SMAD2: variants seen among roughly 807,000 people sequenced by gnomAD.
The protein encoded by SMAD2 is MAD homolog 2.
A neutral mutation model predicts 64.4 loss-of-function variants in SMAD2; 8 were observed. That is an observed-to-expected ratio of 0.12 (90% CI 0.07 to 0.22). SMAD2 has a LOEUF of 0.22. Ranked by LOEUF, SMAD2 falls within the 10% of genes least tolerant of loss-of-function variation. The pLI, the probability that SMAD2 is intolerant of heterozygous loss-of-function variation, is 1.00. For missense variants in SMAD2, 289 were observed against 561.2 expected (o/e 0.51, Z 4.90); for synonymous variants, 203 against 195.8 (o/e 1.04, Z -0.31).
At chr18:47,862,533 C>T (rs2031264145) in intron 6 of SMAD2, among the ~76,000 whole-genome samples, 1 of 152,184 alleles carries the variant, frequency 6.6e-6, no homozygotes, top group African/African-American at 2.4e-5. Context: ...ATAGCACATT[C>T]CTCCCTATCT....
intron 2 of SMAD2, among the ~76,000 whole-genome samples, chr18:47,880,581 C>G (rs1045684585): frequency 6.6e-6 from 1 of 152,158 alleles, no homozygotes; most frequent in Non-Finnish European, 1.5e-5. Context: ...TTCCAATTCA[C>G]AAGTGTATCC....
At position 47,827,495 on chromosome 18, in the gene SMAD2, G is replaced by C. The variant is rs573830613; in HGVS notation, c.*14332C>G. ...TCTCCCCCCGTCTCCCACTTTCTACGGTCTCCCACTTTCCACCGTCTCCCT... is the reference window on the plus strand; with the variant it reads ...TCTCCCCCCGTCTCCCACTTTCTACCGTCTCCCACTTTCCACCGTCTCCCT... On this transcript the variant is annotated 3_prime_UTR_variant, in exon 11 of 11. Transcript: ENST00000262160. The C allele has an allele frequency of 1.3e-5, 2 of 152,124 alleles. No homozygotes were observed. The highest frequency in any genetic ancestry group is 2.9e-5 in the Non-Finnish European group (2 of 68,114). 9.4% of individuals were successfully genotyped at this position (152,124 alleles called of 1,614,324 possible). A position where few individuals can be genotyped will look rare whatever the true frequency, so the allele number is the denominator to read the frequency against.
intron 1 of SMAD2, chr18:47,912,393 G>A (rs983509835): frequency 1.3e-5 from 2 of 152,210 alleles, no homozygotes; most frequent in Non-Finnish European, 2.9e-5. Flanking sequence ...TGAGTGGCAT[G>A]TAATGGTACA....
intron 7 of SMAD2, among the ~76,000 whole-genome samples, chr18:47,849,707 T>C (rs982687540): frequency 3.9e-5 from 6 of 152,254 alleles, no homozygotes; most frequent in African/African-American, 1.2e-4. Context: ...ATATTTGTTA[T>C]ACTGTATTTT....
rs1259135468 is a variant in SMAD2 at position 47,823,543 on chromosome 18, A to C, written c.*18284T>G. 1 of 152,170 alleles carries C rather than the reference A, an allele frequency of 6.6e-6. No individual in the cohort carries two copies. Among genetic ancestry groups the C allele is most frequent in the South Asian group, 2.1e-4 (1 of 4,828 alleles). 9.4% of individuals were successfully genotyped at this position (152,170 alleles called of 1,614,324 possible). On this transcript the variant is annotated 3_prime_UTR_variant, in exon 11 of 11. Transcript: ENST00000262160. ...CTACTCCCATGCTCTGAGGCCTATA[A>C]GCTAAGATGTGATTAATTTTTAAAG... is the stretch of plus-strand genomic sequence containing the variant.
In SMAD2 at chr18:47,833,526, G is replaced by A. The variant is rs758947112; in HGVS notation, c.*8301C>T. 8.7e-6 allele frequency: 2 copies of A among 230,148 alleles called. No homozygotes were observed. The highest frequency in any genetic ancestry group is 1.1e-4 in the Admixed American group (2 of 17,658). The allele number at this position is 230,148 out of a possible 1,614,324, so 14.3% of individuals were successfully genotyped here. ...TGCAGCCACTAAGGACTTCCAGAGG[G>A]AAACAAGAACAGGGTCTGCATCCAT... On this transcript the variant is annotated 3_prime_UTR_variant, in exon 11 of 11. Transcript: ENST00000262160.
At chr18:47,889,879 A>C (rs534831604) in intron 2 of SMAD2, among the ~76,000 whole-genome samples, 3 of 152,220 alleles carry the variant, frequency 2.0e-5, no homozygotes, top group African/African-American at 7.2e-5. Context: ...CCTGAAGCTA[A>C]TATGTTAAAC....
intron 9 of SMAD2, 56 bp downstream of exon 9, chr18:47,845,607 C>T (rs1914419832): frequency 6.2e-7 from 1 of 1,604,542 alleles, no homozygotes; most frequent in Admixed American, 1.7e-5. Flanking sequence ...AAATTAGCAA[C>T]AAGAAAAACT....
At position 47,823,253 on chromosome 18, in the gene SMAD2, GGAGGTTTTTA is replaced by G. The variant is rs1912634961; in HGVS notation, c.*18564_*18573del. ...CCTTGACTTAGCTTCTTAGCCTCAAGGAGGTTTTTAAATCTGAGATTACTGTGACCATACT... is the reference window on the plus strand; with the variant it reads ...CCTTGACTTAGCTTCTTAGCCTCAAGAATCTGAGATTACTGTGACCATACT... On this transcript the variant is annotated 3_prime_UTR_variant, in exon 11 of 11. Transcript: ENST00000262160. 6.6e-6 allele frequency: 1 copy of G among 152,140 alleles called. No homozygotes were observed. The highest frequency in any genetic ancestry group is 2.4e-5 in the African/African-American group (1 of 41,434). 9.4% of individuals were successfully genotyped at this position (152,140 alleles called of 1,614,324 possible).
rs186966901 is a variant in SMAD2 at position 47,892,390 on chromosome 18, G to A, written c.236+4131C>T. The stretch of plus-strand genomic sequence containing the variant: ...AGTTTTTGTATTTTCAGTAGAGACC[G>A]GGTTTCACTATGTTGGCCAGGCTAG... On this transcript the variant is annotated intron_variant, in intron 2 of 10. Transcript: ENST00000262160. Among the ~76,000 whole-genome samples, 35 of 152,140 alleles carry A rather than the reference G, an allele frequency of 2.3e-4. 1 individual carries two copies. In the East Asian group the frequency reaches 3.9e-3, roughly 17 times the overall value.
rs1197360717 is a variant in SMAD2, at chr18:47,829,990, A to T, written c.*11837T>A. 6.6e-6 allele frequency: 1 copy of T among 152,240 alleles called. No homozygotes were observed. The highest frequency in any genetic ancestry group is 1.5e-5 in the Non-Finnish European group (1 of 68,038). 9.4% of individuals were successfully genotyped at this position (152,240 alleles called of 1,614,324 possible). On this transcript the variant is annotated 3_prime_UTR_variant, in exon 11 of 11. Coordinates refer to ENST00000262160, the MANE Select transcript of SMAD2 (RefSeq NM_005901.6). ...TGCAGCAGCAAATTCCCCCACTGAC[A>T]ACTTCAAAGCATAGCAAGAATCCAC... is the stretch of plus-strand genomic sequence containing the variant.
chr18:47,890,093 G>C lies in SMAD2; in HGVS notation c.236+6428C>G, dbSNP rs578256852. ...TATACACAAGGGACTTTGAATACCA[G>C]GTCCTGGAGCAGGAGCCCCCTCAAA... On this transcript the variant is annotated intron_variant, in intron 2 of 10. Coordinates refer to ENST00000262160, the MANE Select transcript of SMAD2 (RefSeq NM_005901.6). 8.5e-5 allele frequency among the ~76,000 whole-genome samples: 13 copies of C among 152,310 alleles called. No individual in the cohort carries two copies. In the East Asian group the frequency reaches 2.3e-3, roughly 27 times the overall value.
intron 1 of SMAD2, among the ~76,000 whole-genome samples, chr18:47,924,051 C>T (rs1036063941): frequency 6.6e-6 from 1 of 152,022 alleles, no homozygotes; most frequent in Non-Finnish European, 1.5e-5. Context: ...GAGTTCGAGA[C>T]CAGCCTGACC....
In SMAD2 at chr18:47,882,845, G is replaced by A. The variant is rs148668804; in HGVS notation, c.237-12281C>T. Among the ~76,000 whole-genome samples the A allele has an allele frequency of 4.5e-3, 680 of 152,318 alleles. 5 individuals carry two copies. The highest frequency in any genetic ancestry group is 0.016 in the African/African-American group (650 of 41,568). On this transcript the variant is annotated intron_variant, in intron 2 of 10. Coordinates refer to ENST00000262160, the MANE Select transcript of SMAD2 (RefSeq NM_005901.6). ...GTATTTCTTCATGCATCAGCTGGGG[G>A]TAACCTAAATTTCATCATTACAGTT... is the stretch of plus-strand genomic sequence containing the variant.
Position 47,816,635 on chromosome 18 carries a change from C to T in SMAD2, c.*25192G>A, listed in dbSNP as rs1299462969. The T allele has an allele frequency of 6.6e-6, 1 of 152,200 alleles. No individual in the cohort carries two copies. Among genetic ancestry groups the T allele is most frequent in the Non-Finnish European group, 1.5e-5 (1 of 68,042 alleles). The allele number at this position is 152,200 out of a possible 1,614,324, so 9.4% of individuals were successfully genotyped here. ...TGCCTGTCCAACTTCAGAGTGGCACCACCCTTGCTATTGATCTTTGTAACC... is the reference window on the plus strand; with the variant it reads ...TGCCTGTCCAACTTCAGAGTGGCACTACCCTTGCTATTGATCTTTGTAACC... On this transcript the variant is annotated 3_prime_UTR_variant, in exon 11 of 11. Coordinates refer to ENST00000262160, the MANE Select transcript of SMAD2 (RefSeq NM_005901.6).
chr18:47,877,898 G>A (rs1409472805), intron 2 of SMAD2, among the ~76,000 whole-genome samples: 1 of 152,154 alleles, frequency 6.6e-6, no homozygotes. Flanking sequence ...TAGCTAATAA[G>A]TGCTCACATT....
At chr18:47,900,730 A>C (rs920349204) in intron 1 of SMAD2, among the ~76,000 whole-genome samples, 1 of 152,130 alleles carries the variant, frequency 6.6e-6, no homozygotes, top group Non-Finnish European at 1.5e-5. Flanking sequence ...ACTTAAGGCT[A>C]TAAATTTCAT....
intron 1 of SMAD2, among the ~76,000 whole-genome samples, chr18:47,914,988 T>TA (rs902405686): frequency 7.2e-5 from 11 of 152,184 alleles, no homozygotes; most frequent in African/African-American, 2.4e-4. Context: ...ATTTTCTCCA[T>TA]AAAAAATCTT....
Position 47,833,616 on chromosome 18 carries a change from T to G in SMAD2, c.*8211A>C, listed in dbSNP as rs935097635. The G allele has an allele frequency of 2.2e-5, 5 of 231,062 alleles. No homozygotes were observed. The highest frequency in any genetic ancestry group is 4.3e-5 in the Non-Finnish European group (5 of 116,622). 14.3% of individuals were successfully genotyped at this position (231,062 alleles called of 1,614,324 possible). ...ATCTCACCTCACGTGCTCAATGTTC[T>G]AGCTGGTAAGCACCTTATGAGTATG... On this transcript the variant is annotated 3_prime_UTR_variant, in exon 11 of 11. Transcript: ENST00000262160.
Sources: allele counts gnomAD v4.1 joint callset (sites outside exome capture counted in the v4.1 genomes callset), GRCh38; gene constraint gnomAD v4.1.1; transcripts MANE v1.5; gene names NCBI Gene and HGNC (gene_info 2026-07-23, HGNC 2026-07-21).